The following SEC16B variants were observed in gnomAD, a reference collection of about 807,000 sequenced individuals.
SEC16B encodes protein transport protein Sec16B.
In SEC16B, 115 loss-of-function variants were observed where a neutral mutation model predicts 141.8. That is an observed-to-expected ratio of 0.81 (90% confidence interval 0.70 to 0.95). The LOEUF is 0.95. Ranked by LOEUF, SEC16B falls within the 40% of genes least tolerant of loss-of-function variation. The probability of loss-of-function intolerance (pLI) is 0.00; values close to 1 mark genes in which losing one functional copy is unlikely to be tolerated. For synonymous variants in SEC16B, 493 were observed against 492.5 expected (o/e 1.00, Z -0.01); for missense variants, 1,291 against 1,312.3 (o/e 0.98, Z 0.25).
At chr1:177,962,139 T>A (rs1251921429) in intron 5 of SEC16B, among the ~76,000 whole-genome samples, 1 of 152,114 alleles carries the variant, frequency 6.6e-6, no homozygotes, top group Non-Finnish European at 1.5e-5. Context: ...AGTGGCATGA[T>A]CTCGGCTCAC....
upstream of SEC16B, among the ~76,000 whole-genome samples, chr1:177,972,199 C>A (rs950449338): frequency 2.6e-5 from 4 of 152,150 alleles, no homozygotes; most frequent in Non-Finnish European, 2.9e-5. Flanking sequence ...AAAATTAATT[C>A]TAATTAGCTT....
chr1:177,960,055 C>A (rs1557985486), intron 8 of SEC16B: 2 of 411,346 alleles, frequency 4.9e-6, no homozygotes, highest in East Asian at 8.4e-5. Context: ...CTATCAAGCA[C>A]ACGGAATGCT....
At chr1:177,957,421 G>A (rs983554341) in intron 10 of SEC16B, among the ~76,000 whole-genome samples, 2 of 152,026 alleles carry the variant, frequency 1.3e-5, no homozygotes, top group Admixed American at 6.5e-5. Context: ...ATAAACAACT[G>A]TATATGCAAT....
In SEC16B at chr1:177,960,255, A is replaced by G. The variant is rs532139971; in HGVS notation, c.998+87T>C. 1.6e-5 allele frequency: 14 copies of G among 894,750 alleles called. 1 individual carries two copies. The highest frequency in any genetic ancestry group is 2.2e-4 in the Middle Eastern group (1 of 4,622). 55.4% of individuals were successfully genotyped at this position (894,750 alleles called of 1,614,324 possible). ...ACAGATATTTTTTTCCAAGGAAACC[A>G]AGAACAAATCTCCAAAATGCTGATC... On this transcript the variant is annotated intron_variant, in intron 8 of 25. Transcript: ENST00000308284.
In SEC16B at chr1:177,932,715, G is replaced by A; in HGVS notation, c.2915C>T (p.Ala972Val). Reference sequence around the variant, plus strand: ...GACGGTACCTCTGCCCCTGGAGAAGGCACTAACATCCGGCAGAGGTGGGGA... The same window carrying A: ...GACGGTACCTCTGCCCCTGGAGAAGACACTAACATCCGGCAGAGGTGGGGA... ...PESPPLPDVS[A>V]FSRGRGGGEG... Residue 972 changes from alanine (A) to valine (V), a missense_variant, in exon 23 of 26, where the codon GCC becomes GTC. Transcript: ENST00000308284. The A allele has an allele frequency of 6.3e-7, 1 of 1,598,388 alleles. No homozygotes were observed. Among genetic ancestry groups the A allele is most frequent in the Non-Finnish European group, 8.5e-7 (1 of 1,172,960 alleles).
Position 177,958,182 on chromosome 1 carries a change from C to T in SEC16B, c.1315G>A (p.Ala439Thr). 1 of 1,593,048 alleles carries T rather than the reference C, an allele frequency of 6.3e-7. No homozygotes were observed. The highest frequency in any genetic ancestry group is 8.6e-7 in the Non-Finnish European group (1 of 1,168,820). ...CTAGTGAATTTCTCCACGATCTGCG[C>T]AGGTGTCTCCACACTGGGGGGGATC... is the stretch of plus-strand genomic sequence containing the variant. ...GEIPPSVETP[A>T]QIVEKFTRLL... Residue 439 changes from alanine (A) to threonine (T), a missense_variant, in exon 10 of 26, where the codon GCG becomes ACG. Ala to Thr is a moderately conservative substitution (Grantham distance 58, BLOSUM62 0). Around this residue, in one of 3 missense-constraint regions of SEC16B, gnomAD observed 681 missense variants for 675.5 expected, o/e 1.01. Transcript: ENST00000308284.
rs2101973621 is a variant in SEC16B at position 177,958,301 on chromosome 1, T to C, written c.1196A>G (p.Tyr399Cys). ...GTTGGCCACAGGGGGCTGCCGCTTG[T>C]ACTTCTCCAGCTTCTTGCAGTCTTG... ...LMQDCKKLEK[Y>C]KRQPPVANLI... Residue 399 changes from tyrosine to cysteine, a missense_variant, in exon 10 of 26, where the codon TAC becomes TGC. By Grantham distance (194) the Tyr-to-Cys change is radical (BLOSUM62 -2). Around this residue, in one of 3 missense-constraint regions of SEC16B, gnomAD observed 681 missense variants for 675.5 expected, o/e 1.01. Transcript: ENST00000308284. The C allele has an allele frequency of 1.2e-6, 2 of 1,610,144 alleles. No homozygotes were observed. Among genetic ancestry groups the C allele is most frequent in the South Asian group, 1.1e-5 (1 of 89,604 alleles).
At chr1:177,965,400 GGT>G (rs71108021) in intron 3 of SEC16B, among the ~76,000 whole-genome samples, 1 of 151,110 alleles carries the variant, frequency 6.6e-6, no homozygotes, top group African/African-American at 2.4e-5. Context: ...GATGGGGATT[GGT>G]GTGTGTGTGT....
chr1:177,957,107 T>C (rs1425808928), intron 10 of SEC16B, among the ~76,000 whole-genome samples: 1 of 152,162 alleles, frequency 6.6e-6, no homozygotes, highest in East Asian at 1.9e-4. Flanking sequence ...TTGGTGTATA[T>C]ATAAAGAACC....
chr1:177,960,846 C>A lies in SEC16B; in HGVS notation c.881G>T (p.Gly294Val). 6.2e-7 allele frequency: 1 copy of A among 1,613,524 alleles called. No individual in the cohort carries two copies. Among genetic ancestry groups the A allele is most frequent in the Non-Finnish European group, 8.5e-7 (1 of 1,179,720 alleles). Residue 294 changes from glycine (G) to valine (V), a missense_variant, in exon 7 of 26, where the codon GGT (glycine) becomes GTT (valine). By Grantham distance (109) the Gly-to-Val change is moderately radical (BLOSUM62 -3). This residue lies in a region of SEC16B where 681 missense variants were observed against 675.5 expected (regional missense o/e 1.01). Coordinates refer to ENST00000308284, the MANE Select transcript of SEC16B (RefSeq NM_033127.4). ...TTGCCCGTCAGTGGGAGAGCTGGGA[C>A]CTACATGCACCAGCTGACCTCCTGG... ...FGPGGQLVHV[G>V]PSSPTDGQAA...
chr1:177,958,651 GGAA>G (rs1652817276), intron 9 of SEC16B, among the ~76,000 whole-genome samples, 186 bp downstream of exon 9: 1 of 152,186 alleles, frequency 6.6e-6, no homozygotes, highest in African/African-American at 2.4e-5. Context: ...CCCAGACCAA[GGAA>G]GAAGATCATC....
chr1:177,951,075 G>T (rs879742106), intron 12 of SEC16B, among the ~76,000 whole-genome samples: 1 of 151,532 alleles, frequency 6.6e-6, no homozygotes, highest in East Asian at 1.9e-4. Context: ...GGAAAAAAGA[G>T]AATAAAAAAT....
chr1:177,933,987 G>A (rs1650647182), intron 20 of SEC16B, among the ~76,000 whole-genome samples: 1 of 144,778 alleles, frequency 6.9e-6, no homozygotes, highest in Non-Finnish European at 1.5e-5. Flanking sequence ...AGGCCCACAA[G>A]CTCCCCCCAA....
At chr1:177,965,675 C>T (rs1391044319) in intron 3 of SEC16B, among the ~76,000 whole-genome samples, 1 of 152,160 alleles carries the variant, frequency 6.6e-6, no homozygotes, top group Non-Finnish European at 1.5e-5. Flanking sequence ...ACCCATAGTG[C>T]TAGTAACAGT....
At chr1:177,970,844 TTCTC>T (rs1416311668), upstream of SEC16B, among the ~76,000 whole-genome samples, 1 of 152,202 alleles carries the variant, frequency 6.6e-6, no homozygotes, top group Admixed American at 6.5e-5. Flanking sequence ...GGTTTATTCT[TTCTC>T]TCAACAAATG....
At chr1:177,941,862 A>G in intron 16 of SEC16B, 38 bp downstream of exon 16, 1 of 1,600,424 alleles carries the variant, frequency 6.2e-7, no homozygotes, top group Non-Finnish European at 8.5e-7. Context: ...TGAATAGTGA[A>G]GATAAAACAA....
intron 20 of SEC16B, among the ~76,000 whole-genome samples, chr1:177,934,380 G>A (rs1020291799): frequency 1.3e-5 from 2 of 152,006 alleles, no homozygotes; most frequent in African/African-American, 4.8e-5. Context: ...CACGTAGGTG[G>A]AGTCATATGA....
intron 7 of SEC16B, 53 bp downstream of exon 7, chr1:177,960,738 A>G: frequency 1.3e-6 from 2 of 1,531,198 alleles, no homozygotes; most frequent in South Asian, 2.5e-5. Context: ...GCATGTTAGG[A>G]GTAGTTGGGT....
At chr1:177,981,346 G>A (rs773821335) in intron 1 of SEC16B, among the ~76,000 whole-genome samples, 2 of 151,972 alleles carry the variant, frequency 1.3e-5, no homozygotes, top group Non-Finnish European at 2.9e-5. Flanking sequence ...CCTGGCCATG[G>A]TGATTAACTC....
Sources: gnomAD v4.1 joint callset for allele counts (sites outside exome capture counted in the v4.1 genomes callset) on GRCh38, gnomAD v4.1.1 for gene constraint, gnomAD v4.1.1 regional missense constraint, MANE v1.5 for transcripts, NCBI Gene and HGNC (gene_info 2026-07-23, HGNC 2026-07-21) for gene names.